The following MLIP variants were observed in gnomAD, a reference collection of about 807,000 sequenced individuals.
The protein encoded by MLIP is muscular LMNA interacting protein.
A neutral mutation model predicts 84.8 loss-of-function variants in MLIP; 79 were observed. The observed-to-expected ratio is 0.93, with a 90% CI of 0.78 to 1.12. MLIP has a LOEUF of 1.12. Among genes scored for constraint, MLIP ranks in the 50% most tolerant of loss-of-function variants. The pLI, the probability that MLIP is intolerant of heterozygous loss-of-function variation, is 0.00. For synonymous variants in MLIP, 504 were observed against 463.0 expected (o/e 1.09, Z -1.14); for missense variants, 1,257 against 1,160.6 (o/e 1.08, Z -1.21).
intron 12 of MLIP, among the ~76,000 whole-genome samples, chr6:54,240,327 C>CT (rs1781651838): frequency 6.6e-6 from 1 of 152,160 alleles, no homozygotes; most frequent in African/African-American, 2.4e-5. Flanking sequence ...TTACTCTCAT[C>CT]TTAAATACCT....
In MLIP at chr6:54,121,615, T is replaced by C; in HGVS notation, c.252+13T>C. ...AACTGTAAATAGGGTAGGATTATTT[T>C]TATTCTTTTTTAATTTCAAACAATT... is the stretch of plus-strand genomic sequence containing the variant. On this transcript the variant is annotated intron_variant, in intron 2 of 13. Transcript: ENST00000502396. 1 of 1,535,058 alleles carries C rather than the reference T, an allele frequency of 6.5e-7. No homozygotes were observed. The highest frequency in any genetic ancestry group is 8.8e-7 in the Non-Finnish European group (1 of 1,136,410).
chr6:54,218,257 C>G (rs1169100054), intron 11 of MLIP, among the ~76,000 whole-genome samples: 7 of 152,128 alleles, frequency 4.6e-5, no homozygotes, highest in Non-Finnish European at 1.0e-4. Context: ...GGGCTACAAA[C>G]CTGTACAGCA....
At chr6:54,037,715 T>C (rs1764524008) in intron 1 of MLIP, among the ~76,000 whole-genome samples, 2 of 151,920 alleles carry the variant, frequency 1.3e-5, no homozygotes, top group Admixed American at 1.3e-4. Context: ...GACAGGAGAA[T>C]GATTATTCTA....
chr6:54,215,330 T>C, intron 11 of MLIP: 1 of 1,371,168 alleles, frequency 7.3e-7, no homozygotes, highest in South Asian at 1.9e-5. Context: ...TTTGAAAAAA[T>C]CAGTCCTTAC....
At chr6:54,254,791 C>A (rs79881037) in intron 12 of MLIP, among the ~76,000 whole-genome samples, 12 of 143,948 alleles carry the variant, frequency 8.3e-5, no homozygotes, top group East Asian at 2.2e-4. Flanking sequence ...CTTCCCCCCC[C>A]ACTTTCCTGC....
chr6:54,200,139 C>G (rs1375301503), intron 10 of MLIP, among the ~76,000 whole-genome samples: 1 of 152,146 alleles, frequency 6.6e-6, no homozygotes, highest in Non-Finnish European at 1.5e-5. Flanking sequence ...AGAAGAGTCT[C>G]TCTTCTGATG....
rs184121279 is a variant in MLIP, at chr6:54,038,943, G to T, written c.63+19852G>T. 8.6e-5 allele frequency among the ~76,000 whole-genome samples: 13 copies of T among 151,868 alleles called. No individual in the cohort carries two copies. The East Asian group carries it at 2.5e-3, about 29-fold the overall frequency. ...GATTGAAAACTAGCAAAAATTTTGAGCACATTCTCGCCAAAGACATCATAT... is the reference window on the plus strand; with the variant it reads ...GATTGAAAACTAGCAAAAATTTTGATCACATTCTCGCCAAAGACATCATAT... On this transcript the variant is annotated intron_variant, in intron 1 of 12. Coordinates refer to the MLIP transcript ENST00000274897.
At chr6:54,232,092 T>A (rs574497260) in intron 12 of MLIP, among the ~76,000 whole-genome samples, 1 of 152,166 alleles carries the variant, frequency 6.6e-6, no homozygotes, top group South Asian at 2.1e-4. Flanking sequence ...GTCTAGAAAA[T>A]AAGTATATGA....
chr6:54,235,102 C>G (rs1781275151), intron 12 of MLIP, among the ~76,000 whole-genome samples: 2 of 152,148 alleles, frequency 1.3e-5, no homozygotes, highest in South Asian at 4.1e-4. Flanking sequence ...AATTCTCAGT[C>G]CCCAAACTCA....
chr6:54,025,680 G>T (rs562207745), intron 1 of MLIP, among the ~76,000 whole-genome samples: 1 of 152,120 alleles, frequency 6.6e-6, no homozygotes, highest in South Asian at 2.1e-4. Flanking sequence ...TGTTCCTTTT[G>T]TCTGAGGGAC....
In MLIP at chr6:54,172,780, A is replaced by G. The variant is rs1273643583; in HGVS notation, c.2544+3208A>G. 9.2e-5 allele frequency among the ~76,000 whole-genome samples: 14 copies of G among 151,600 alleles called. No individual in the cohort carries two copies. The Admixed American group carries it at 9.2e-4, about 10-fold the overall frequency. On this transcript the variant is annotated intron_variant, in intron 9 of 13. Coordinates refer to ENST00000502396, the MANE Select transcript of MLIP (RefSeq NM_001281747.2). ...GTTTCTTTCTTTGGGTCTTTATTGC[A>G]CGTATTGTGACATTTCATACAGTCT... is the stretch of plus-strand genomic sequence containing the variant.
At chr6:54,027,197 T>C (rs1319959552) in intron 1 of MLIP, among the ~76,000 whole-genome samples, 1 of 152,166 alleles carries the variant, frequency 6.6e-6, no homozygotes, top group Non-Finnish European at 1.5e-5. Context: ...ATGTTTTCAC[T>C]GAGAAATAAC....
intron 11 of MLIP, chr6:54,216,305 A>G: frequency 1.0e-6 from 1 of 985,288 alleles, no homozygotes; most frequent in Non-Finnish European, 1.2e-6. Context: ...TTTCTATGTT[A>G]CTTTTGACTT....
chr6:54,128,414 A>C (rs1305641022), intron 3 of MLIP, among the ~76,000 whole-genome samples: 3 of 152,202 alleles, frequency 2.0e-5, no homozygotes, highest in African/African-American at 7.2e-5. Flanking sequence ...AGAGCCAATG[A>C]GAAACCTAGG....
intron 1 of MLIP, among the ~76,000 whole-genome samples, chr6:54,116,687 C>T (rs568614965): frequency 2.6e-5 from 4 of 152,340 alleles, no homozygotes; most frequent in African/African-American, 7.2e-5. Context: ...AAGAACATTT[C>T]TCCTCTAACT....
chr6:54,082,412 G>C (rs369289252), intron 1 of MLIP, among the ~76,000 whole-genome samples: 1 of 152,140 alleles, frequency 6.6e-6, no homozygotes, highest in African/African-American at 2.4e-5. Context: ...ACTCACTATT[G>C]TAAGAACAGC....
chr6:54,063,350 G>T (rs1211085585), intron 1 of MLIP: 1 of 152,104 alleles, frequency 6.6e-6, no homozygotes, highest in African/African-American at 2.4e-5. Flanking sequence ...GCACCAGTGT[G>T]TGTGTGTTGG....
At chr6:54,061,284 C>T (rs1765950847) in intron 1 of MLIP, among the ~76,000 whole-genome samples, 2 of 152,132 alleles carry the variant, frequency 1.3e-5, no homozygotes, top group Admixed American at 1.3e-4. Context: ...AGTGACTTTT[C>T]TTGAGGACGA....
chr6:54,236,372 G>A (rs965214433), intron 12 of MLIP, among the ~76,000 whole-genome samples: 3 of 151,740 alleles, frequency 2.0e-5, no homozygotes, highest in East Asian at 1.9e-4. Flanking sequence ...AGGCCAAGGC[G>A]GCTGGATCAC....
Sources: gnomAD v4.1 joint callset for allele counts (sites outside exome capture counted in the v4.1 genomes callset) on GRCh38, gnomAD v4.1.1 for gene constraint, MANE v1.5 for transcripts, NCBI Gene and HGNC (gene_info 2026-07-23, HGNC 2026-07-21) for gene names.